TFPI: variants seen among roughly 807,000 people sequenced by gnomAD.
TFPI encodes tissue factor pathway inhibitor, also known as anti-convertin.
TFPI carries 15 observed loss-of-function variants against 34.6 expected under a neutral mutation model. The observed-to-expected ratio is 0.43, with a 90% CI of 0.29 to 0.67. The LOEUF (loss-of-function observed/expected upper bound fraction) is 0.67, where lower values mean the gene tolerates loss of function less well. TFPI is among the 30% of genes least tolerant of loss of function. The pLI is 0.15. For synonymous variants in TFPI, 105 were observed against 120.1 expected (o/e 0.87, Z 0.82); for missense variants, 301 against 364.0 (o/e 0.83, Z 1.41).
intron 1 of TFPI, among the ~76,000 whole-genome samples, chr2:187,545,921 A>T (rs889529695): frequency 6.6e-6 from 1 of 152,140 alleles, no homozygotes; most frequent in African/African-American, 2.4e-5. Context: ...GCCAATTAAG[A>T]GAGGAATGTG....
At position 187,464,379 on chromosome 2, in the gene TFPI, A is replaced by C. The variant is rs532573327; in HGVS notation, c.*2557T>G. ...TATGCTGAATAATGTAATTCCATATACAATTCACAGTTAGATGCACTTAAT... is the reference window on the plus strand; with the variant it reads ...TATGCTGAATAATGTAATTCCATATCCAATTCACAGTTAGATGCACTTAAT... On this transcript the variant is annotated 3_prime_UTR_variant, in exon 8 of 8. Transcript: ENST00000233156. The C allele has an allele frequency of 6.6e-6, 1 of 152,334 alleles. No individual in the cohort carries two copies. Among genetic ancestry groups the C allele is most frequent in the East Asian group, 1.9e-4 (1 of 5,188 alleles). 9.4% of individuals were successfully genotyped at this position (152,334 alleles called of 1,614,324 possible).
Position 187,481,973 on chromosome 2 carries a change from A to G in TFPI, c.628+2151T>C, listed in dbSNP as rs1692899040. ...TTGTTACAATTTTCAATGTGCATCTACACAATAAACTAAAGAAGACATATC... is the reference window on the plus strand; with the variant it reads ...TTGTTACAATTTTCAATGTGCATCTGCACAATAAACTAAAGAAGACATATC... On this transcript the variant is annotated intron_variant, in intron 6 of 7. Transcript: ENST00000233156. Among the ~76,000 whole-genome samples the G allele has an allele frequency of 5.9e-5, 9 of 152,070 alleles. 2 individuals are homozygous for G. The highest frequency in any genetic ancestry group is 2.6e-4 in the Admixed American group (4 of 15,226).
intron 1 of TFPI, chr2:187,519,340 C>T (rs1032720474): frequency 3.2e-5 from 5 of 153,976 alleles, no homozygotes; most frequent in African/African-American, 4.8e-5. Context: ...ATGTCCTTTT[C>T]GTTGATGTTG....
chr2:187,483,819 A>G (rs1337546056), intron 6 of TFPI: 2 of 327,096 alleles, frequency 6.1e-6, no homozygotes, highest in African/African-American at 2.2e-5. Context: ...ACTGAGGCTG[A>G]TAATTCCTAG....
chr2:187,521,301 T>C lies in TFPI; in HGVS notation c.-2-17531A>G, dbSNP rs1290911018. On this transcript the variant is annotated intron_variant, in intron 1 of 7. Transcript: ENST00000233156. ...ATTTTAAGGCAGAATAATATTTCACTGTATATATGTATATACCACATTTCT... is the reference window on the plus strand; with the variant it reads ...ATTTTAAGGCAGAATAATATTTCACCGTATATATGTATATACCACATTTCT... Among the ~76,000 whole-genome samples, 3 of 152,268 alleles carry C rather than the reference T, an allele frequency of 2.0e-5. No homozygotes were observed. In the East Asian group the frequency reaches 5.8e-4, roughly 29 times the overall value.
chr2:187,533,300 C>T (rs946840877), intron 1 of TFPI, among the ~76,000 whole-genome samples: 17 of 152,272 alleles, frequency 1.1e-4, no homozygotes, highest in Admixed American at 1.0e-3. Flanking sequence ...TCAACAGACA[C>T]CTCATACAGG....
intron 1 of TFPI, among the ~76,000 whole-genome samples, chr2:187,527,525 G>A (rs539649631): frequency 2.0e-5 from 3 of 152,218 alleles, no homozygotes; most frequent in East Asian, 1.9e-4. Context: ...CTAACAAGTC[G>A]GCACAGAGCC....
intron 1 of TFPI, among the ~76,000 whole-genome samples, chr2:187,512,579 T>C (rs1281435261): frequency 6.6e-6 from 1 of 151,678 alleles, no homozygotes; most frequent in Non-Finnish European, 1.5e-5. Flanking sequence ...CAAGTTCTTA[T>C]TAATAGCAAA....
intron 2 of TFPI, among the ~76,000 whole-genome samples, chr2:187,497,732 C>T (rs1559120036): frequency 6.6e-6 from 1 of 151,572 alleles, no homozygotes; most frequent in East Asian, 1.9e-4. Context: ...TATTTAACTC[C>T]TAATTTTCAT....
intron 1 of TFPI, among the ~76,000 whole-genome samples, chr2:187,548,378 A>C (rs984591209): frequency 3.9e-5 from 6 of 151,962 alleles, no homozygotes; most frequent in African/African-American, 1.5e-4. Flanking sequence ...TTCTAGTTTT[A>C]TATACTGTTA....
chr2:187,540,257 G>C (rs939066420), intron 1 of TFPI, among the ~76,000 whole-genome samples: 1 of 152,040 alleles, frequency 6.6e-6, no homozygotes, highest in Non-Finnish European at 1.5e-5. Flanking sequence ...TAAACAGAAA[G>C]AGTAAGATCC....
intron 6 of TFPI, among the ~76,000 whole-genome samples, chr2:187,479,798 A>G (rs755623230): frequency 6.6e-6 from 1 of 151,548 alleles, no homozygotes; most frequent in Non-Finnish European, 1.5e-5. Context: ...GATGATCTGA[A>G]TGAAATAAAT....
At chr2:187,553,357 T>G (rs1234561069) in intron 1 of TFPI, among the ~76,000 whole-genome samples, 1 of 152,148 alleles carries the variant, frequency 6.6e-6, no homozygotes, top group Non-Finnish European at 1.5e-5. Context: ...GTGTGGCTGT[T>G]GCTTATCTTT....
intron 1 of TFPI, chr2:187,513,600 C>G (rs1228627494): frequency 6.6e-6 from 1 of 152,606 alleles, no homozygotes; most frequent in African/African-American, 2.4e-5. Flanking sequence ...TTGAGCCATC[C>G]TGTGAAGGAG....
At chr2:187,482,142 C>A (rs2106002148) in intron 6 of TFPI, among the ~76,000 whole-genome samples, 1 of 151,876 alleles carries the variant, frequency 6.6e-6, no homozygotes, top group South Asian at 2.1e-4. Context: ...ACCTACTCTA[C>A]TCACTTTAAT....
At chr2:187,483,995 A>G in intron 6 of TFPI, 129 bp downstream of exon 6, 2 of 745,688 alleles carry the variant, frequency 2.7e-6, no homozygotes, top group South Asian at 1.9e-5. Context: ...CAGTATTTCA[A>G]CAAACACATT....
At chr2:187,522,134 C>T (rs1368140830) in intron 1 of TFPI, among the ~76,000 whole-genome samples, 2 of 152,060 alleles carry the variant, frequency 1.3e-5, no homozygotes, top group Middle Eastern at 3.2e-3. Flanking sequence ...AGATATATGA[C>T]TTGAAAATAT....
At chr2:187,542,496 G>C (rs1688634570) in intron 1 of TFPI, among the ~76,000 whole-genome samples, 1 of 152,100 alleles carries the variant, frequency 6.6e-6, no homozygotes, top group Non-Finnish European at 1.5e-5. Context: ...AGAATGACAA[G>C]AAGCAGTAGA....
chr2:187,546,278 G>A (rs1196595092), intron 1 of TFPI, among the ~76,000 whole-genome samples: 27 of 119,618 alleles, frequency 2.3e-4, no homozygotes, highest in Admixed American at 2.2e-3. Flanking sequence ...AGTTAAATTT[G>A]TAAGTTTTTT....
Sources: gnomAD v4.1 joint callset for allele counts (sites outside exome capture counted in the v4.1 genomes callset) on GRCh38, gnomAD v4.1.1 for gene constraint, MANE v1.5 for transcripts, NCBI Gene and HGNC (gene_info 2026-07-23, HGNC 2026-07-21) for gene names.